Variants in EPB41L3 observed in about 807,000 individuals in gnomAD.
EPB41L3 encodes the protein erythrocyte membrane protein band 4.1 like 3.
Under a neutral mutation model 127.1 loss-of-function variants are expected in EPB41L3, and 57 were observed. That is an observed-to-expected ratio of 0.45 (90% CI 0.36 to 0.56). The LOEUF (loss-of-function observed/expected upper bound fraction) is 0.56. Ranked by LOEUF, EPB41L3 falls within the 20% of genes least tolerant of loss-of-function variation. EPB41L3 has a pLI of 0.00. For synonymous variants in EPB41L3, 572 were observed against 549.5 expected, an observed-to-expected ratio of 1.04 and a Z score of -0.57; for missense variants, 1,273 against 1,372.2, an observed-to-expected ratio of 0.93 and a Z score of 1.14.
chr18:5,500,593 G>T (rs1243488487), intron 1 of EPB41L3, among the ~76,000 whole-genome samples: 4 of 152,196 alleles, frequency 2.6e-5, no homozygotes, highest in Non-Finnish European at 4.4e-5. Context: ...CACGATTCAG[G>T]TTTCGCTTTG....
chr18:5,506,802 G>T (rs1210062714), intron 1 of EPB41L3, among the ~76,000 whole-genome samples: 1 of 152,100 alleles, frequency 6.6e-6, no homozygotes, highest in Non-Finnish European at 1.5e-5. Context: ...GCACTTAGCA[G>T]GTCCTCATTA....
intron 1 of EPB41L3, among the ~76,000 whole-genome samples, chr18:5,534,168 A>C (rs1229085977): frequency 1.3e-5 from 2 of 152,212 alleles, no homozygotes; most frequent in East Asian, 3.9e-4. Flanking sequence ...GTCTCAAAAA[A>C]AAGAAAAAAG....
rs374552229 is a variant in EPB41L3 at position 5,394,360 on chromosome 18, G to A, written c.*6+317C>T. On this transcript the variant is annotated intron_variant, in intron 22 of 22. Transcript: ENST00000341928. ...CCACATGGCAAGTAAAATCAAATTT[G>A]CCATTACAAATTTGGATAATCAAAG... The A allele has an allele frequency of 4.0e-5, 8 of 201,918 alleles. No individual in the cohort carries two copies. The South Asian group carries it at 4.6e-4, about 12-fold the overall frequency. 12.5% of individuals were successfully genotyped at this position (201,918 alleles called of 1,614,324 possible).
chr18:5,412,165 T>C (rs938314118), intron 13 of EPB41L3, among the ~76,000 whole-genome samples: 1 of 152,110 alleles, frequency 6.6e-6, no homozygotes, highest in Non-Finnish European at 1.5e-5. Flanking sequence ...TCAAAGATCT[T>C]AGGCTTTCAA....
chr18:5,557,395 G>T (rs2094053671), intron 3 of EPB41L3, among the ~76,000 whole-genome samples: 1 of 152,022 alleles, frequency 6.6e-6, no homozygotes, highest in Non-Finnish European at 1.5e-5. Flanking sequence ...TTTTGTTTTT[G>T]TTTTTTGAGA....
At chr18:5,599,903 G>A (rs1246150752) in intron 3 of EPB41L3, among the ~76,000 whole-genome samples, 2 of 151,910 alleles carry the variant, frequency 1.3e-5, no homozygotes, top group African/African-American at 4.8e-5. Flanking sequence ...TGGAACTCAC[G>A]GGCAACAGAT....
rs549882347 is a variant in EPB41L3, at chr18:5,561,133, A to G, written c.-306+51207T>C. The stretch of plus-strand genomic sequence containing the variant: ...GCTGGGACTACAGGCGCCCGCCACT[A>G]CGCCCGGCTAATGTCTTGTATTTTC... On this transcript the variant is annotated intron_variant, in intron 3 of 21. Coordinates refer to the EPB41L3 transcript ENST00000545076. Among the ~76,000 whole-genome samples the G allele has an allele frequency of 3.7e-3, 549 of 149,664 alleles. 9 individuals carry two copies. Among genetic ancestry groups the G allele is most frequent in the African/African-American group, 0.011 (437 of 40,634 alleles).
chr18:5,445,132 T>C lies in EPB41L3; in HGVS notation c.486+8A>G, dbSNP rs1416415640. 9 of 1,610,808 alleles carry C rather than the reference T, an allele frequency of 5.6e-6. No homozygotes were observed. Among genetic ancestry groups the C allele is most frequent in the Non-Finnish European group, 7.6e-6 (9 of 1,177,076 alleles). Reference sequence around the variant, plus strand: ...CCATCTTATTTTGCATTGCTTTTGATCACTCACCTTCTGGTTTTCAGCATC... The same window carrying C: ...CCATCTTATTTTGCATTGCTTTTGACCACTCACCTTCTGGTTTTCAGCATC... On this transcript the variant is annotated splice_region_variant and intron_variant, in intron 4 of 22. Transcript: ENST00000341928.
rs765967735 is a variant in EPB41L3 at position 5,433,490 on chromosome 18, C to T, written c.891G>A (p.Gly297=). The T allele has an allele frequency of 1.9e-6, 3 of 1,613,012 alleles. No homozygotes were observed. Among genetic ancestry groups the T allele is most frequent in the South Asian group, 1.1e-5 (1 of 90,930 alleles). Residue 297 remains glycine, a synonymous_variant, in exon 8 of 23, where the codon GGG becomes GGA. Transcript: ENST00000341928. ...LENAKKLSMY[G]VDLHHAKDSE... is the part of the protein sequence containing the mutation. ...ATACCTTAGCATGATGTAAATCTAC[C>T]CCATACATTGATAATTTTTTGGCAT...
intron 3 of EPB41L3, among the ~76,000 whole-genome samples, chr18:5,593,674 T>C (rs1426460343): frequency 1.3e-5 from 2 of 152,106 alleles, no homozygotes; most frequent in Non-Finnish European, 2.9e-5. Context: ...CTCGTCCTAA[T>C]AAGCCTGGGA....
At chr18:5,468,969 A>G (rs952686655) in intron 3 of EPB41L3, among the ~76,000 whole-genome samples, 9 of 152,024 alleles carry the variant, frequency 5.9e-5, no homozygotes, top group African/African-American at 1.9e-4. Context: ...AACAAAAAAC[A>G]AAAAGAGGAA....
At chr18:5,588,680 T>C (rs1012981619) in intron 3 of EPB41L3, among the ~76,000 whole-genome samples, 2 of 151,950 alleles carry the variant, frequency 1.3e-5, no homozygotes, top group African/African-American at 2.4e-5. Context: ...TTGCCCAAGG[T>C]CACAAAGGCT....
At chr18:5,509,982 T>C (rs952981704) in intron 1 of EPB41L3, among the ~76,000 whole-genome samples, 16 of 152,180 alleles carry the variant, frequency 1.1e-4, no homozygotes. Context: ...TCACCCCATA[T>C]TACAGATGCA....
intron 16 of EPB41L3, among the ~76,000 whole-genome samples, chr18:5,406,396 A>G (rs2075388637): frequency 6.6e-6 from 1 of 152,220 alleles, no homozygotes; most frequent in South Asian, 2.1e-4. Context: ...ACTTCAGGTT[A>G]CCATTTAGTC....
At chr18:5,590,030 G>A (rs936069969) in intron 3 of EPB41L3, among the ~76,000 whole-genome samples, 3 of 152,250 alleles carry the variant, frequency 2.0e-5, no homozygotes, top group South Asian at 2.1e-4. Context: ...AATTTGAATC[G>A]GAAATAAAAG....
At chr18:5,530,184 G>A (rs2093366379) in intron 1 of EPB41L3, among the ~76,000 whole-genome samples, 2 of 151,850 alleles carry the variant, frequency 1.3e-5, no homozygotes, top group Admixed American at 1.3e-4. Flanking sequence ...CTTATATTTG[G>A]GGTTGCTGTA....
chr18:5,443,728 T>C, intron 5 of EPB41L3, 110 bp downstream of exon 5: 2 of 783,994 alleles, frequency 2.6e-6, no homozygotes, highest in Non-Finnish European at 2.0e-6. Flanking sequence ...AAATTTGAGA[T>C]AAGAAAAGCT....
intron 3 of EPB41L3, among the ~76,000 whole-genome samples, chr18:5,596,162 A>G (rs1208832044): frequency 3.3e-5 from 5 of 152,302 alleles, no homozygotes; most frequent in Non-Finnish European, 7.4e-5. Flanking sequence ...GGCCAGAATG[A>G]GCCATATGAC....
rs571003872 is a variant in EPB41L3, at chr18:5,396,278, C to G, written c.2896G>C (p.Val966Leu). Residue 966 changes from valine (V) to leucine (L), a missense_variant, in exon 19 of 23, where the codon GTA (valine) becomes CTA (leucine). This residue lies in a region of EPB41L3 where 765 missense variants were observed against 782.9 expected (regional missense o/e 0.98). Transcript: ENST00000341928. ...TCCTTCGTGGAAATTTCTAGCTTTACTCCTCCCGGTGAAACACTGCCAAAA... is the reference window on the plus strand; with the variant it reads ...TCCTTCGTGGAAATTTCTAGCTTTAGTCCTCCCGGTGAAACACTGCCAAAA... Reference protein sequence around the residue: ...ISFGSVSPGGVKLEISTKEVP... With the variant: ...ISFGSVSPGGLKLEISTKEVP... 8.1e-6 allele frequency: 13 copies of G among 1,614,110 alleles called. No individual in the cohort carries two copies. In the Admixed American group the frequency reaches 2.2e-4, roughly 27 times the overall value.
Sources: allele counts gnomAD v4.1 joint callset (sites outside exome capture counted in the v4.1 genomes callset), GRCh38; gene constraint gnomAD v4.1.1; regional missense constraint gnomAD v4.1.1; transcripts MANE v1.5; gene names NCBI Gene and HGNC (gene_info 2026-07-23, HGNC 2026-07-21).